The following SPEF2 variants were observed in gnomAD, a reference collection of about 807,000 sequenced individuals.
SPEF2 encodes the protein sperm flagella and cilia-associated protein 2.
A neutral mutation model predicts 224.6 loss-of-function variants in SPEF2; 187 were observed. The observed-to-expected ratio is 0.83, with a 90% CI of 0.74 to 0.94. The LOEUF (loss-of-function observed/expected upper bound fraction) is 0.94. Ranked by LOEUF, SPEF2 falls within the 40% of genes least tolerant of loss-of-function variation. The pLI is 0.00. For synonymous variants in SPEF2, 715 were observed against 707.3 expected (o/e 1.01, Z -0.17); for missense variants, 2,170 against 2,135.6 (o/e 1.02, Z -0.32).
chr5:35,725,046 C>T (rs964294480), intron 20 of SPEF2, among the ~76,000 whole-genome samples: 1 of 152,148 alleles, frequency 6.6e-6, no homozygotes, highest in African/African-American at 2.4e-5. Flanking sequence ...AAAGCTTTCC[C>T]TCCATGAGCT....
chr5:35,663,559 T>G (rs1750022705), intron 8 of SPEF2, among the ~76,000 whole-genome samples: 1 of 152,156 alleles, frequency 6.6e-6, no homozygotes, highest in Non-Finnish European at 1.5e-5. Context: ...TGTTATCATT[T>G]TCATGTATTA....
At chr5:35,780,917 A>C (rs1754255951) in intron 30 of SPEF2, among the ~76,000 whole-genome samples, 1 of 152,206 alleles carries the variant, frequency 6.6e-6, no homozygotes, top group Non-Finnish European at 1.5e-5. Flanking sequence ...GATGCTAATC[A>C]TAATACTTTC....
chr5:35,641,841 G>C (rs1746662957), intron 3 of SPEF2, 158 bp downstream of exon 3: 1 of 724,860 alleles, frequency 1.4e-6, no homozygotes, highest in African/African-American at 1.8e-5. Flanking sequence ...TTAATAATTT[G>C]AATTTATTTA....
chr5:35,664,170 G>C (rs1750110010), intron 8 of SPEF2, among the ~76,000 whole-genome samples: 1 of 151,834 alleles, frequency 6.6e-6, no homozygotes, highest in African/African-American at 2.4e-5. Context: ...ACTTGTCATA[G>C]TGTGTAATTA....
intron 23 of SPEF2, among the ~76,000 whole-genome samples, chr5:35,751,096 C>T (rs57684730): frequency 0.078 from 2,329 of 29,850 alleles, 248 homozygotes; most frequent in Middle Eastern, 0.11. Flanking sequence ...CACACACACA[C>T]ATATATATAT....
At chr5:35,744,070 A>G (rs1187135983) in intron 23 of SPEF2, among the ~76,000 whole-genome samples, 2 of 152,228 alleles carry the variant, frequency 1.3e-5, no homozygotes, top group Non-Finnish European at 2.9e-5. Flanking sequence ...CCTGATATCA[A>G]TACCATAAAC....
intron 3 of SPEF2, among the ~76,000 whole-genome samples, chr5:35,643,848 T>C (rs1046875931): frequency 1.3e-5 from 2 of 152,122 alleles, no homozygotes; most frequent in Non-Finnish European, 2.9e-5. Flanking sequence ...TTACAGATGA[T>C]GAAACTAAGG....
chr5:35,674,638 T>C (rs757094553), intron 10 of SPEF2, among the ~76,000 whole-genome samples: 1 of 150,966 alleles, frequency 6.6e-6, no homozygotes, highest in Non-Finnish European at 1.5e-5. Context: ...TTTGGTTTTT[T>C]ATCCTTGCGA....
At chr5:35,738,101 A>T (rs891764521) in intron 21 of SPEF2, among the ~76,000 whole-genome samples, 2 of 152,044 alleles carry the variant, frequency 1.3e-5, no homozygotes, top group African/African-American at 2.4e-5. Flanking sequence ...TTCTTTGTAG[A>T]TTCTGGATAT....
chr5:35,762,340 T>C (rs1443631057), intron 25 of SPEF2, among the ~76,000 whole-genome samples: 1 of 152,238 alleles, frequency 6.6e-6, no homozygotes, highest in African/African-American at 2.4e-5. Context: ...TGTTGTACTG[T>C]ATTAAACATT....
intron 4 of SPEF2, among the ~76,000 whole-genome samples, chr5:35,646,364 C>T (rs553701953): frequency 6.6e-6 from 1 of 152,220 alleles, no homozygotes; most frequent in South Asian, 2.1e-4. Context: ...AAGAATTATA[C>T]ACTTATTTAT....
At chr5:35,649,567 G>A (rs1340421134) in intron 6 of SPEF2, 142 bp downstream of exon 6, 4 of 549,750 alleles carry the variant, frequency 7.3e-6, no homozygotes, top group Non-Finnish European at 1.2e-5. Context: ...AGTAATTAGG[G>A]AAGATAAATG....
intron 16 of SPEF2, 127 bp downstream of exon 16, chr5:35,700,879 A>T: frequency 9.0e-7 from 1 of 1,108,020 alleles, no homozygotes; most frequent in Non-Finnish European, 1.3e-6. Context: ...TCAAATAATT[A>T]TCTAGTTGAG....
At chr5:35,734,455 A>G (rs1746192486) in intron 21 of SPEF2, among the ~76,000 whole-genome samples, 1 of 129,622 alleles carries the variant, frequency 7.7e-6, no homozygotes, top group Non-Finnish European at 1.7e-5. Context: ...TAAGGAGCTG[A>G]AAAAAAGAAA....
intron 34 of SPEF2, 95 bp downstream of exon 34, chr5:35,800,242 G>A (rs141860863): frequency 1.4e-4 from 189 of 1,344,444 alleles, no homozygotes; most frequent in Admixed American, 5.7e-4. Context: ...TTTCATCTCC[G>A]TATTTTCCTA....
intron 30 of SPEF2, among the ~76,000 whole-genome samples, chr5:35,785,522 A>T (rs961284915): frequency 9.2e-5 from 14 of 151,822 alleles, no homozygotes; most frequent in African/African-American, 2.4e-5. Flanking sequence ...TTAATTTTAA[A>T]TTTACTTTTT....
intron 23 of SPEF2, among the ~76,000 whole-genome samples, chr5:35,746,090 G>T (rs1284594799): frequency 6.6e-6 from 1 of 152,186 alleles, no homozygotes; most frequent in Non-Finnish European, 1.5e-5. Context: ...CTGCAGTTTG[G>T]CTCACAGGAA....
At chr5:35,670,461 C>G in intron 10 of SPEF2, 1 of 1,162,314 alleles carries the variant, frequency 8.6e-7, no homozygotes, top group Non-Finnish European at 1.1e-6. Context: ...AAACATCAAG[C>G]ATAGTAATTG....
intron 23 of SPEF2, among the ~76,000 whole-genome samples, chr5:35,741,466 G>T (rs1403758359): frequency 6.6e-6 from 1 of 152,196 alleles, no homozygotes; most frequent in Non-Finnish European, 1.5e-5. Context: ...GGAGCAGAGT[G>T]AGCTAGGCAA....
Sources: gnomAD v4.1 joint callset for allele counts (sites outside exome capture counted in the v4.1 genomes callset) on GRCh38, gnomAD v4.1.1 for gene constraint, MANE v1.5 for transcripts, NCBI Gene and HGNC (gene_info 2026-07-23, HGNC 2026-07-21) for gene names.